Variants in DIAPH2 observed in about 807,000 individuals in gnomAD.
The protein encoded by DIAPH2 is protein diaphanous homolog 2.
DIAPH2 carries 35 observed loss-of-function variants against 92.7 expected under a neutral mutation model. The ratio of observed to expected loss-of-function variants is 0.38; its 90% CI spans 0.29 to 0.50. The LOEUF is 0.50. Ranked by LOEUF, DIAPH2 falls within the 20% of genes least tolerant of loss-of-function variation. DIAPH2 has a pLI of 0.94. For synonymous variants in DIAPH2, 301 were observed against 280.4 expected, an observed-to-expected ratio of 1.07 and a Z score of -0.73; for missense variants, 701 against 819.5, an observed-to-expected ratio of 0.86 and a Z score of 1.77.
At chrX:97,363,665 C>CAA (rs35245894) in intron 24 of DIAPH2, among the ~76,000 whole-genome samples, 13 of 17,788 alleles carry the variant, frequency 7.3e-4, no homozygotes, top group Non-Finnish European at 1.2e-3. Context: ...GACTCTGCCT[C>CAA]AAAAAAAAAA....
At chrX:96,913,543 G>A (rs1463430537) in intron 7 of DIAPH2, among the ~76,000 whole-genome samples, 1 of 111,349 alleles carries the variant, frequency 9.0e-6, no homozygotes, top group African/African-American at 3.2e-5. Context: ...TGGTAATAAT[G>A]CTTTTTCTTT....
intron 25 of DIAPH2, among the ~76,000 whole-genome samples, chrX:97,413,090 G>A (rs2069896959): frequency 8.9e-6 from 1 of 111,826 alleles, no homozygotes; most frequent in South Asian, 3.8e-4. Context: ...AAGCCTGGCA[G>A]AGACACAACC....
At chrX:96,724,132 G>T (rs2064006988) in intron 1 of DIAPH2, among the ~76,000 whole-genome samples, 1 of 109,525 alleles carries the variant, frequency 9.1e-6, no homozygotes, top group African/African-American at 3.3e-5. Flanking sequence ...CACTATGTTG[G>T]TCAGGCTGGT....
rs764963465 is a variant in DIAPH2 at position 97,547,322 on chromosome X, A to C, written c.3242-51931A>C. ...CTCAACCCCTGCTTTGGGTACAGGAAGTTTTAATCTGGTTAAGTTGAATAG... is the reference window on the plus strand; with the variant it reads ...CTCAACCCCTGCTTTGGGTACAGGACGTTTTAATCTGGTTAAGTTGAATAG... On this transcript the variant is annotated intron_variant, in intron 26 of 26. Transcript: ENST00000324765. Among the ~76,000 whole-genome samples the C allele has an allele frequency of 1.6e-3, 177 of 112,048 alleles. 2 individuals carry two copies. Among genetic ancestry groups the C allele is most frequent in the Non-Finnish European group, 1.9e-3 (102 of 53,249 alleles).
At chrX:97,256,628 T>G (rs934681911) in intron 23 of DIAPH2, among the ~76,000 whole-genome samples, 1 of 112,056 alleles carries the variant, frequency 8.9e-6, no homozygotes, top group Non-Finnish European at 1.9e-5. Context: ...GGCTTTTCAT[T>G]CAGTAATCCC....
intron 19 of DIAPH2, among the ~76,000 whole-genome samples, chrX:97,078,968 A>G (rs1469861943): frequency 1.8e-5 from 2 of 110,953 alleles, no homozygotes; most frequent in African/African-American, 3.3e-5. Context: ...GAGCGCATAA[A>G]AGATTAGTAG....
chrX:96,840,753 C>T lies in DIAPH2; in HGVS notation c.448-40826C>T, dbSNP rs975327257. Among the ~76,000 whole-genome samples, 110 of 108,485 alleles carry T rather than the reference C, an allele frequency of 1.0e-3. 1 individual carries two copies. Among genetic ancestry groups the T allele is most frequent in the African/African-American group, 3.4e-3 (102 of 30,104 alleles). 94.2% of individuals were successfully genotyped at this position (108,485 alleles called of 115,157 possible). ...CCTCCTGAGTAGCTGGGACTACAGACGCCCACCACCATGCCCAGCTAATTT... is the reference window on the plus strand; with the variant it reads ...CCTCCTGAGTAGCTGGGACTACAGATGCCCACCACCATGCCCAGCTAATTT... On this transcript the variant is annotated intron_variant, in intron 4 of 26. Transcript: ENST00000324765.
chrX:96,896,299 C>A (rs755835264), intron 5 of DIAPH2, among the ~76,000 whole-genome samples: 1 of 111,255 alleles, frequency 9.0e-6, no homozygotes, highest in Admixed American at 9.6e-5. Flanking sequence ...TAACTTTTAT[C>A]CAATATTTGT....
At chrX:97,128,936 T>G (rs1317288833) in intron 21 of DIAPH2, among the ~76,000 whole-genome samples, 1 of 111,173 alleles carries the variant, frequency 9.0e-6, no homozygotes, top group Admixed American at 9.5e-5. Context: ...TTGGGTTGTT[T>G]CTAAATTTTC....
At chrX:97,305,824 C>CAAA (rs754094514) in intron 23 of DIAPH2, among the ~76,000 whole-genome samples, 1 of 49,221 alleles carries the variant, frequency 2.0e-5, no homozygotes. Context: ...ACTCCTTCTC[C>CAAA]AAAAAAAAAA....
chrX:96,693,556 G>A (rs989926475), intron 1 of DIAPH2, among the ~76,000 whole-genome samples: 2 of 111,989 alleles, frequency 1.8e-5, no homozygotes, highest in African/African-American at 3.2e-5. Context: ...AGACCAGGTC[G>A]GTATGTATGG....
chrX:97,311,384 G>C (rs2068792470), intron 23 of DIAPH2, among the ~76,000 whole-genome samples: 1 of 111,784 alleles, frequency 8.9e-6, no homozygotes, highest in Non-Finnish European at 1.9e-5. Context: ...AATAAAGAAA[G>C]AGTAATTCAC....
At chrX:97,590,711 C>T (rs1254606240) in intron 26 of DIAPH2, among the ~76,000 whole-genome samples, 1 of 111,660 alleles carries the variant, frequency 9.0e-6, no homozygotes, top group Non-Finnish European at 1.9e-5. Context: ...CCAAACACTC[C>T]TGGCCCAGGT....
intron 15 of DIAPH2, among the ~76,000 whole-genome samples, chrX:96,956,609 A>G (rs2065812033): frequency 8.9e-6 from 1 of 111,883 alleles, no homozygotes; most frequent in South Asian, 3.8e-4. Context: ...ACCCTAAATC[A>G]TCTCTCTCAA....
chrX:97,130,681 T>C (rs987014876), intron 21 of DIAPH2, among the ~76,000 whole-genome samples: 17 of 111,445 alleles, frequency 1.5e-4, no homozygotes, highest in Non-Finnish European at 3.2e-4. Context: ...TGGATAGTGG[T>C]GATGGTTGCA....
intron 14 of DIAPH2, among the ~76,000 whole-genome samples, chrX:96,947,721 T>C (rs1187387284): frequency 8.9e-6 from 1 of 112,263 alleles, no homozygotes; most frequent in East Asian, 2.8e-4. Flanking sequence ...TTTGCATTGT[T>C]CCACAAACTC....
At chrX:97,518,858 G>T (rs1435808939) in intron 26 of DIAPH2, among the ~76,000 whole-genome samples, 1 of 111,350 alleles carries the variant, frequency 9.0e-6, no homozygotes, top group Non-Finnish European at 1.9e-5. Flanking sequence ...GAATAATAAA[G>T]CCTTGACAAT....
chrX:97,115,008 C>G (rs1415129287), intron 21 of DIAPH2, 43 bp downstream of exon 21: 12 of 1,095,065 alleles, frequency 1.1e-5, no homozygotes, highest in Admixed American at 2.8e-5. Flanking sequence ...CAATAATCTT[C>G]TTGTCTATGA....
chrX:97,048,900 ATT>A (rs201550554), intron 17 of DIAPH2, among the ~76,000 whole-genome samples: 3 of 102,688 alleles, frequency 2.9e-5, no homozygotes. Context: ...AAATGCCTAC[ATT>A]TTTTTTTTTT....
Sources: allele counts gnomAD v4.1 joint callset (sites outside exome capture counted in the v4.1 genomes callset), GRCh38; gene constraint gnomAD v4.1.1; transcripts MANE v1.5; gene names NCBI Gene and HGNC (gene_info 2026-07-23, HGNC 2026-07-21).